The following CNTNAP2 variants were observed in gnomAD, a reference collection of about 807,000 sequenced individuals.
CNTNAP2 encodes the protein contactin-associated protein-like 2.
In CNTNAP2, 98 loss-of-function variants were observed where a neutral mutation model predicts 155.2. The ratio of observed to expected loss-of-function variants is 0.63; its 90% CI spans 0.54 to 0.75. CNTNAP2 has a LOEUF of 0.75. Ranked by LOEUF, CNTNAP2 falls within the 30% of genes least tolerant of loss-of-function variation. The pLI is 0.00. For missense variants in CNTNAP2, 1,727 were observed against 1,688.1 expected, an observed-to-expected ratio of 1.02 and a Z score of -0.40; for synonymous variants, 651 against 631.2, an observed-to-expected ratio of 1.03 and a Z score of -0.47.
chr7:147,986,044 A>C (rs528848117), intron 15 of CNTNAP2, among the ~76,000 whole-genome samples: 1 of 151,892 alleles, frequency 6.6e-6, no homozygotes, highest in Non-Finnish European at 1.5e-5. Context: ...TAAAGTTTTC[A>C]TTACACTGTG....
chr7:147,611,423 T>C (rs990341273), intron 12 of CNTNAP2, among the ~76,000 whole-genome samples: 1 of 152,218 alleles, frequency 6.6e-6, no homozygotes, highest in African/African-American at 2.4e-5. Flanking sequence ...TCGATGTAAA[T>C]GTAGTCAGTA....
At chr7:147,551,586 T>C (rs1017479571) in intron 11 of CNTNAP2, among the ~76,000 whole-genome samples, 5 of 152,206 alleles carry the variant, frequency 3.3e-5, no homozygotes, top group African/African-American at 1.2e-4. Context: ...CAAGCCTACA[T>C]TTATATAATC....
chr7:146,951,844 C>T (rs1254280279), intron 3 of CNTNAP2, among the ~76,000 whole-genome samples: 1 of 152,070 alleles, frequency 6.6e-6, no homozygotes, highest in African/African-American at 2.4e-5. Flanking sequence ...TCAATGGTAG[C>T]TTGATGGGGA....
At chr7:147,300,667 T>C (rs1338020535) in intron 9 of CNTNAP2, among the ~76,000 whole-genome samples, 6 of 152,200 alleles carry the variant, frequency 3.9e-5, no homozygotes, top group Non-Finnish European at 7.3e-5. Context: ...TCGCAGTTTC[T>C]CTGGATCAGG....
At chr7:147,818,800 G>T (rs954368722) in intron 13 of CNTNAP2, among the ~76,000 whole-genome samples, 1 of 152,032 alleles carries the variant, frequency 6.6e-6, no homozygotes, top group Admixed American at 6.6e-5. Context: ...TAACAAAATG[G>T]CTTAAAGGCA....
At chr7:147,994,676 A>T (rs1040673708) in intron 15 of CNTNAP2, among the ~76,000 whole-genome samples, 4 of 152,134 alleles carry the variant, frequency 2.6e-5, no homozygotes, top group African/African-American at 9.7e-5. Flanking sequence ...GCCTTCCACC[A>T]TGATTGTGAA....
chr7:146,841,952 G>A (rs1457927782), intron 3 of CNTNAP2, among the ~76,000 whole-genome samples: 1 of 148,914 alleles, frequency 6.7e-6, no homozygotes, highest in Non-Finnish European at 1.5e-5. Context: ...GTGTGATCTT[G>A]GCTCACTGCA....
chr7:147,834,016 G>T (rs1368509372), intron 13 of CNTNAP2, among the ~76,000 whole-genome samples: 2 of 152,152 alleles, frequency 1.3e-5, no homozygotes, highest in Non-Finnish European at 2.9e-5. Flanking sequence ...CACCTCAAAG[G>T]AAGAATTGAA....
chr7:147,815,363 G>A (rs912212004), intron 13 of CNTNAP2, among the ~76,000 whole-genome samples: 1 of 152,094 alleles, frequency 6.6e-6, no homozygotes, highest in African/African-American at 2.4e-5. Flanking sequence ...TCAGTTTGTT[G>A]GCAGAATCCA....
At chr7:147,253,234 G>T (rs912563191) in intron 8 of CNTNAP2, among the ~76,000 whole-genome samples, 1 of 152,018 alleles carries the variant, frequency 6.6e-6, no homozygotes, top group African/African-American at 2.4e-5. Context: ...TGGAGCATAG[G>T]CACTGTGATT....
chr7:146,171,025 T>TA (rs1798382182), intron 1 of CNTNAP2, among the ~76,000 whole-genome samples: 1 of 147,170 alleles, frequency 6.8e-6, no homozygotes, highest in Non-Finnish European at 1.5e-5. Flanking sequence ...AGACTCCGTC[T>TA]AAAAATAAAT....
chr7:146,455,407 C>T (rs1305241709), intron 1 of CNTNAP2, among the ~76,000 whole-genome samples: 2 of 152,204 alleles, frequency 1.3e-5, no homozygotes, highest in Non-Finnish European at 2.9e-5. Flanking sequence ...GGCTAAGTAC[C>T]CGTATGCTTT....
At chr7:146,902,690 C>T (rs903817293) in intron 3 of CNTNAP2, among the ~76,000 whole-genome samples, 3 of 152,182 alleles carry the variant, frequency 2.0e-5, no homozygotes, top group African/African-American at 7.2e-5. Flanking sequence ...TGAACGTTAA[C>T]CTAGTCTCTT....
chr7:146,692,958 AAGTATTCCTTACCTTGAACTAT>A (rs1354763984), intron 1 of CNTNAP2, among the ~76,000 whole-genome samples: 3 of 152,100 alleles, frequency 2.0e-5, no homozygotes, highest in Non-Finnish European at 2.9e-5. Context: ...TTATGCTCTT[AAGTATTCCTTACCTTGAACTAT>A]AGTATACGGT....
chr7:147,695,137 TATTTTGAAA>T (rs1324786469), intron 13 of CNTNAP2, among the ~76,000 whole-genome samples: 3 of 152,206 alleles, frequency 2.0e-5, no homozygotes, highest in Non-Finnish European at 4.4e-5. Flanking sequence ...GATCCCCAAA[TATTTTGAAA>T]ATTTCCAACT....
chr7:147,946,900 G>A (rs1000940875), intron 14 of CNTNAP2, among the ~76,000 whole-genome samples: 1 of 152,144 alleles, frequency 6.6e-6, no homozygotes, highest in African/African-American at 2.4e-5. Context: ...TTAGGGACAG[G>A]GGAATCACAG....
chr7:147,128,504 A>G (rs1034717702), intron 6 of CNTNAP2, among the ~76,000 whole-genome samples, 189 bp from the exon 7 acceptor site: 1 of 152,184 alleles, frequency 6.6e-6, no homozygotes, highest in Non-Finnish European at 1.5e-5. Context: ...TAATTATCAG[A>G]ATGAATGACT....
At chr7:147,820,503 G>T (rs1484517666) in intron 13 of CNTNAP2, among the ~76,000 whole-genome samples, 1 of 152,070 alleles carries the variant, frequency 6.6e-6, no homozygotes, top group African/African-American at 2.4e-5. Flanking sequence ...TCAAAGAGGA[G>T]AAGTCTTTAA....
At chr7:147,551,973 C>T (rs1462552072) in intron 11 of CNTNAP2, among the ~76,000 whole-genome samples, 1 of 152,084 alleles carries the variant, frequency 6.6e-6, no homozygotes, top group Admixed American at 6.5e-5. Context: ...ACTTAGAGTG[C>T]TTGGCCAAAG....
Sources: allele counts gnomAD v4.1 joint callset (sites outside exome capture counted in the v4.1 genomes callset), GRCh38; gene constraint gnomAD v4.1.1; transcripts MANE v1.5; gene names NCBI Gene and HGNC (gene_info 2026-07-23, HGNC 2026-07-21).